ARL13A: variants seen among roughly 807,000 people sequenced by gnomAD.
ARL13A encodes ARF like GTPase 13A.
In ARL13A, 16 loss-of-function variants were observed where a neutral mutation model predicts 19.1. The ratio of observed to expected loss-of-function variants is 0.84; its 90% CI spans 0.57 to 1.27. The LOEUF is 1.27. Among genes scored for constraint, ARL13A ranks in the 50% most tolerant of loss-of-function variants. The probability of loss-of-function intolerance (pLI) is 0.00; values close to 1 mark genes in which losing one functional copy is unlikely to be tolerated. For synonymous variants in ARL13A, 69 were observed against 71.3 expected (o/e 0.97, Z 0.17); for missense variants, 153 against 186.4 (o/e 0.82, Z 1.04).
chrX:100,972,417 T>G (rs1453501543), intron 1 of ARL13A, among the ~76,000 whole-genome samples: 2 of 99,064 alleles, frequency 2.0e-5, no homozygotes, highest in Non-Finnish European at 4.1e-5. Flanking sequence ...GGCTCCTCAC[T>G]TCCCAGTAGG....
At chrX:100,973,542 T>C (rs2085714185) in intron 1 of ARL13A, 134 bp from the exon 2 acceptor site, 1 of 920,345 alleles carries the variant, frequency 1.1e-6, no homozygotes, top group African/African-American at 2.0e-5. Flanking sequence ...CACAGTTGGA[T>C]AGAATGAAGT....
chrX:100,976,751 AC>A (rs1232512429), intron 3 of ARL13A, among the ~76,000 whole-genome samples: 1 of 112,288 alleles, frequency 8.9e-6, no homozygotes, highest in Non-Finnish European at 1.9e-5. Flanking sequence ...AGCTGACATT[AC>A]AGGCATGTGC....
intron 3 of ARL13A, among the ~76,000 whole-genome samples, chrX:100,981,112 G>A (rs1049697551): frequency 1.8e-5 from 2 of 111,577 alleles, no homozygotes; most frequent in Non-Finnish European, 3.8e-5. Context: ...TGAGTCCTTG[G>A]CTCCAAGCCC....
intron 3 of ARL13A, among the ~76,000 whole-genome samples, chrX:100,982,238 C>G (rs1006517586): frequency 9.0e-6 from 1 of 111,124 alleles, no homozygotes; most frequent in Non-Finnish European, 1.9e-5. Context: ...CGCCTGTAAT[C>G]CCAGCACTTT....
intron 2 of ARL13A, 65 bp from the exon 3 acceptor site, chrX:100,974,060 ACT>A: frequency 1.0e-5 from 9 of 881,051 alleles, no homozygotes; most frequent in Non-Finnish European, 1.5e-5. Flanking sequence ...GAAGAGTATA[ACT>A]CTCTGTTTAG....
rs2086004706 is a variant in ARL13A at position 100,990,620 on chromosome X, G to A, written c.*32G>A. ...CAAGAAGAGTGAGATGGCATCCATT[G>A]AGAATGAAGACCACCTTGGTAAAAA... On this transcript the variant is annotated 3_prime_UTR_variant, in exon 8 of 8. Coordinates refer to ENST00000450049, the MANE Select transcript of ARL13A (RefSeq NM_001162491.2). 3 of 1,122,158 alleles carry A rather than the reference G, an allele frequency of 2.7e-6. No homozygotes were observed. Among genetic ancestry groups the A allele is most frequent in the African/African-American group, 1.8e-5 (1 of 54,712 alleles). 92.5% of individuals were successfully genotyped at this position (1,122,158 alleles called of 1,213,427 possible). A position where few individuals can be genotyped will look rare whatever the true frequency, so the allele number is the denominator to read the frequency against.
At chrX:100,980,025 T>C (rs1447467849) in intron 3 of ARL13A, among the ~76,000 whole-genome samples, 1 of 111,177 alleles carries the variant, frequency 9.0e-6, no homozygotes, top group Non-Finnish European at 1.9e-5. Context: ...CCACGACCAC[T>C]GAGACTGTGC....
At chrX:100,984,183 A>G (rs1030786787) in intron 3 of ARL13A, among the ~76,000 whole-genome samples, 2 of 106,901 alleles carry the variant, frequency 1.9e-5, no homozygotes, top group Non-Finnish European at 3.8e-5. Flanking sequence ...GCGTAATCTC[A>G]GCTCACTGCA....
chrX:100,984,263 G>A (rs2085905142), intron 3 of ARL13A, among the ~76,000 whole-genome samples: 2 of 109,783 alleles, frequency 1.8e-5, no homozygotes, highest in Non-Finnish European at 3.8e-5. Flanking sequence ...ACAGGCGTGT[G>A]CCACCGCACC....
At chrX:100,988,886 A>ATAT in intron 7 of ARL13A, among the ~76,000 whole-genome samples, 2 of 97,445 alleles carry the variant, frequency 2.1e-5, no homozygotes, top group African/African-American at 3.9e-5. Context: ...ATATATCAAG[A>ATAT]ATTTAAAAAC....
chrX:100,976,686 C>G (rs2085767771), intron 3 of ARL13A, among the ~76,000 whole-genome samples: 3 of 112,530 alleles, frequency 2.7e-5, no homozygotes, highest in Admixed American at 1.9e-4. Context: ...AATCTTGGCT[C>G]ACTGCAACCT....
chrX:100,978,121 G>A (rs1001858087), intron 3 of ARL13A, among the ~76,000 whole-genome samples: 1 of 112,437 alleles, frequency 8.9e-6, no homozygotes, highest in Non-Finnish European at 1.9e-5. Flanking sequence ...CAGTGTATGA[G>A]GGTACCCCTT....
At chrX:100,979,365 C>T (rs956037680) in intron 3 of ARL13A, among the ~76,000 whole-genome samples, 1 of 111,936 alleles carries the variant, frequency 8.9e-6, no homozygotes, top group Non-Finnish European at 1.9e-5. Flanking sequence ...TACTTTATTT[C>T]TCTTTCATGT....
At chrX:100,971,040 A>G (rs1442839527) in intron 1 of ARL13A, among the ~76,000 whole-genome samples, 2 of 111,032 alleles carry the variant, frequency 1.8e-5, no homozygotes, top group Admixed American at 9.6e-5. Flanking sequence ...AGCATTATTC[A>G]TAACAGCCAA....
At chrX:100,983,113 C>T (rs1399444879) in intron 3 of ARL13A, among the ~76,000 whole-genome samples, 3 of 110,487 alleles carry the variant, frequency 2.7e-5, no homozygotes, top group African/African-American at 6.6e-5. Context: ...GACTCAGTAC[C>T]GGTCCTTAGA....
At chrX:100,985,950 C>T in intron 4 of ARL13A, 34 bp downstream of exon 4, 1 of 1,183,798 alleles carries the variant, frequency 8.4e-7, no homozygotes, top group East Asian at 3.0e-5. Flanking sequence ...ATTTCTGCTT[C>T]CCAATTTGTA....
chrX:100,976,991 T>C (rs1421339556), intron 3 of ARL13A, among the ~76,000 whole-genome samples: 2 of 112,840 alleles, frequency 1.8e-5, no homozygotes, highest in Non-Finnish European at 3.7e-5. Flanking sequence ...ACACTAGCTA[T>C]AAAACATTTT....
chrX:100,972,480 A>G lies in ARL13A; in HGVS notation c.-14-1196A>G, dbSNP rs1326458716. ...TCCCAGACGGGGCGGCTGGCCGGGC[A>G]GGGGGGCTGACCCCCCCCACCTCCC... On this transcript the variant is annotated intron_variant, in intron 1 of 7. Coordinates refer to ENST00000450049, the MANE Select transcript of ARL13A (RefSeq NM_001162491.2). Among the ~76,000 whole-genome samples, 11 of 72,038 alleles carry G rather than the reference A, an allele frequency of 1.5e-4. No individual in the cohort carries two copies. The East Asian group carries it at 2.9e-3, about 19-fold the overall frequency. The allele number at this position is 72,038 out of a possible 115,157, so 62.6% of individuals were successfully genotyped here.
Position 100,986,902 on chromosome X carries a change from G to A in ARL13A, c.486+1G>A. The A allele has an allele frequency of 8.6e-7, 1 of 1,156,389 alleles. No individual in the cohort carries two copies. Among genetic ancestry groups the A allele is most frequent in the Non-Finnish European group, 1.2e-6 (1 of 851,919 alleles). The stretch of plus-strand genomic sequence containing the variant: ...AGAGAATAAGTGCCCATGCCGAGTA[G>A]TAAGTGTCAACCTCTTCCTTCCCTC... On this transcript the variant is annotated splice_donor_variant, in intron 5 of 7. Coordinates refer to ENST00000450049, the MANE Select transcript of ARL13A (RefSeq NM_001162491.2). LOFTEE classifies it high-confidence loss of function.
Sources: gnomAD v4.1 joint callset for allele counts (sites outside exome capture counted in the v4.1 genomes callset) on GRCh38, gnomAD v4.1.1 for gene constraint, MANE v1.5 for transcripts, NCBI Gene and HGNC (gene_info 2026-07-23, HGNC 2026-07-21) for gene names.